Variants in DAB1 observed in about 807,000 individuals in gnomAD.
DAB1 encodes disabled homolog 1.
DAB1 carries 15 observed loss-of-function variants against 64.6 expected under a neutral mutation model. That is an observed-to-expected ratio of 0.23 (90% CI 0.16 to 0.36). The LOEUF (loss-of-function observed/expected upper bound fraction) is 0.36. Ranked by LOEUF, DAB1 falls within the 10% of genes least tolerant of loss-of-function variation. The pLI is 1.00. For synonymous variants in DAB1, 235 were observed against 251.9 expected, an observed-to-expected ratio of 0.93 and a Z score of 0.64; for missense variants, 596 against 706.7, an observed-to-expected ratio of 0.84 and a Z score of 1.78.
intron 2 of DAB1, among the ~76,000 whole-genome samples, chr1:57,284,661 A>G (rs958283181): frequency 1.3e-5 from 2 of 152,290 alleles, no homozygotes; most frequent in Non-Finnish European, 2.9e-5. Context: ...TAAGCCTGAT[A>G]AAAAGATTGT....
chr1:58,050,846 A>C (rs188830297), intron 5 of DAB1, among the ~76,000 whole-genome samples: 8 of 152,090 alleles, frequency 5.3e-5, no homozygotes, highest in African/African-American at 1.9e-4. Context: ...CTTTATTTTT[A>C]TGAGTTGGAC....
intron 1 of DAB1, among the ~76,000 whole-genome samples, chr1:57,842,857 G>A (rs141927202): frequency 6.8e-4 from 103 of 152,294 alleles, no homozygotes; most frequent in African/African-American, 2.5e-3. Flanking sequence ...TGTACCTTAA[G>A]TGTGCTCAGA....
chr1:57,175,647 T>C (rs17115247), intron 2 of DAB1, among the ~76,000 whole-genome samples: 15,073 of 152,164 alleles, frequency 0.099, 1,634 homozygotes, highest in African/African-American at 0.27. Flanking sequence ...TCTGAAATAA[T>C]AGGGCTATAA....
intron 2 of DAB1, among the ~76,000 whole-genome samples, chr1:57,273,970 G>A (rs1030937596): frequency 5.9e-5 from 9 of 152,052 alleles, no homozygotes; most frequent in Non-Finnish European, 8.8e-5. Flanking sequence ...TTTCCTCACT[G>A]AAGTTATTGG....
chr1:57,253,835 C>G (rs2100530317), intron 2 of DAB1, among the ~76,000 whole-genome samples: 1 of 152,246 alleles, frequency 6.6e-6, no homozygotes, highest in South Asian at 2.1e-4. Flanking sequence ...GTTTGGACCT[C>G]CTTAATCAGT....
At chr1:57,643,201 T>C (rs1646152031) in intron 7 of DAB1, among the ~76,000 whole-genome samples, 1 of 152,166 alleles carries the variant, frequency 6.6e-6, no homozygotes, top group Non-Finnish European at 1.5e-5. Context: ...GCACTCACAA[T>C]TGGCTGCCTA....
intron 7 of DAB1, among the ~76,000 whole-genome samples, chr1:57,451,477 T>TAAACA (rs2101154691): frequency 6.6e-6 from 1 of 152,308 alleles, no homozygotes; most frequent in South Asian, 2.1e-4. Context: ...AAAATATGTT[T>TAAACA]TGTGATGTGT....
intron 2 of DAB1, among the ~76,000 whole-genome samples, chr1:57,192,328 G>GAAAAAA (rs10714135): frequency 7.0e-6 from 1 of 142,742 alleles, no homozygotes; most frequent in Non-Finnish European, 1.5e-5. Context: ...CTCAAAAGCG[G>GAAAAAA]AAAAAAAAAA....
At chr1:57,240,498 T>A (rs1668418518) in intron 2 of DAB1, among the ~76,000 whole-genome samples, 1 of 152,042 alleles carries the variant, frequency 6.6e-6, no homozygotes, top group African/African-American at 2.4e-5. Context: ...AATACTAAAA[T>A]GCCAGCATTA....
intron 1 of DAB1, among the ~76,000 whole-genome samples, chr1:57,848,956 G>T (rs1355018002): frequency 6.6e-6 from 1 of 152,204 alleles, no homozygotes; most frequent in Non-Finnish European, 1.5e-5. Flanking sequence ...CATCAAGATT[G>T]AAGGTCATGT....
intron 7 of DAB1, among the ~76,000 whole-genome samples, chr1:57,517,175 T>A (rs1020527803): frequency 5.3e-5 from 8 of 152,108 alleles, no homozygotes; most frequent in African/African-American, 9.7e-5. Flanking sequence ...TTATTTATTT[T>A]TTTTGAGGCA....
At chr1:57,035,404 A>G (rs934666838) in intron 9 of DAB1, among the ~76,000 whole-genome samples, 1 of 152,178 alleles carries the variant, frequency 6.6e-6, no homozygotes, top group African/African-American at 2.4e-5. Flanking sequence ...ACCATGTCCC[A>G]TATAATGAAA....
intron 4 of DAB1, among the ~76,000 whole-genome samples, chr1:58,277,339 C>T (rs1240605430): frequency 1.3e-5 from 2 of 152,136 alleles, no homozygotes; most frequent in Admixed American, 6.5e-5. Flanking sequence ...CGCGCCCAGC[C>T]GATGCAAAGA....
intron 1 of DAB1, among the ~76,000 whole-genome samples, chr1:57,420,841 G>A (rs1684835706): frequency 6.6e-6 from 1 of 152,176 alleles, no homozygotes; most frequent in Admixed American, 6.5e-5. Context: ...CTTTGTCTCA[G>A]TAAGTCCTAA....
intron 7 of DAB1, chr1:57,070,726 G>T: frequency 2.5e-6 from 1 of 397,350 alleles, no homozygotes; most frequent in Non-Finnish European, 4.7e-6. Flanking sequence ...ATATTCAAGA[G>T]ACTCTTGAAA....
At chr1:58,391,473 A>C (rs1644475443) in intron 3 of DAB1, among the ~76,000 whole-genome samples, 1 of 152,240 alleles carries the variant, frequency 6.6e-6, no homozygotes, top group Admixed American at 6.5e-5. Context: ...TGACTTATCC[A>C]AGGCCATGGA....
At chr1:57,194,192 T>G (rs535594484) in intron 2 of DAB1, among the ~76,000 whole-genome samples, 1 of 152,184 alleles carries the variant, frequency 6.6e-6, no homozygotes, top group Admixed American at 6.5e-5. Context: ...CCAGAGTAAC[T>G]GACCATTACG....
chr1:57,103,459 C>A (rs1654863096), intron 4 of DAB1, among the ~76,000 whole-genome samples: 1 of 152,142 alleles, frequency 6.6e-6, no homozygotes, highest in Admixed American at 6.5e-5. Context: ...AAAAACACGA[C>A]TAATCATCTA....
intron 6 of DAB1, among the ~76,000 whole-genome samples, chr1:57,655,482 A>ATCAT (rs1431459577): frequency 6.6e-6 from 1 of 152,188 alleles, no homozygotes; most frequent in African/African-American, 2.4e-5. Context: ...CCACCCATAC[A>ATCAT]TCATTATACT....
Sources: gnomAD v4.1 joint callset for allele counts (sites outside exome capture counted in the v4.1 genomes callset) on GRCh38, gnomAD v4.1.1 for gene constraint, MANE v1.5 for transcripts, NCBI Gene and HGNC (gene_info 2026-07-23, HGNC 2026-07-21) for gene names.